Variants in SH3BP4 observed in about 807,000 individuals in gnomAD.
SH3BP4 encodes the protein SH3 domain-binding protein 4.
A neutral mutation model predicts 65.5 loss-of-function variants in SH3BP4; 33 were observed. The observed-to-expected ratio is 0.50, with a 90% confidence interval of 0.38 to 0.67. The LOEUF (loss-of-function observed/expected upper bound fraction) is 0.67. Ranked by LOEUF, SH3BP4 falls within the 30% of genes least tolerant of loss-of-function variation. The pLI, the probability that SH3BP4 is intolerant of heterozygous loss-of-function variation, is 0.00. For synonymous variants in SH3BP4, 552 were observed against 545.5 expected, an observed-to-expected ratio of 1.01 and a Z score of -0.17; for missense variants, 1,134 against 1,261.4, an observed-to-expected ratio of 0.90 and a Z score of 1.53.
intron 1 of SH3BP4, among the ~76,000 whole-genome samples, chr2:234,956,720 GT>G (rs537188648): frequency 6.1e-5 from 9 of 147,672 alleles, no homozygotes; most frequent in South Asian, 2.2e-4. Flanking sequence ...CGCCCGGGTA[GT>G]TTTTTTTTTT....
rs779336962 is a variant in SH3BP4, at chr2:235,052,769, TC to T, written c.2667+20del. The T allele has an allele frequency of 6.4e-7, 1 of 1,550,954 alleles. No individual in the cohort carries two copies. Among genetic ancestry groups the T allele is most frequent in the South Asian group, 1.2e-5 (1 of 83,584 alleles). ...CAGCGAGGTGAGCAGCGGCTGAGCT[TC>T]GAGCTCACCGAGCCCCTCTGTCCCT... is the stretch of plus-strand genomic sequence containing the variant. On this transcript the variant is annotated intron_variant, in intron 5 of 5. Coordinates refer to ENST00000392011, the MANE Select transcript of SH3BP4 (RefSeq NM_014521.3). This position sits in a 1 kb window ranked among gnomAD's most constrained non-coding sequence, Gnocchi z 5.0.
intron 2 of SH3BP4, among the ~76,000 whole-genome samples, chr2:235,021,735 C>G (rs1009139039): frequency 2.0e-5 from 3 of 151,930 alleles, no homozygotes; most frequent in African/African-American, 7.3e-5. Context: ...TCCATGTAGT[C>G]CAACACAGCA....
In SH3BP4 at chr2:234,962,201, A is replaced by G. The variant is rs558599284; in HGVS notation, c.-207+10031A>G. 2.4e-3 allele frequency among the ~76,000 whole-genome samples: 360 copies of G among 152,178 alleles called. 3 individuals carry two copies. Among genetic ancestry groups the G allele is most frequent in the Non-Finnish European group, 3.3e-3 (225 of 68,016 alleles). On this transcript the variant is annotated intron_variant, in intron 1 of 5. Transcript: ENST00000392011. ...ACCCAGACTGGAGTGCGGTGGCCCA[A>G]TGTCAGCTCACCACAACCTCCGCCT...
intron 2 of SH3BP4, among the ~76,000 whole-genome samples, chr2:235,027,889 G>T (rs778765037): frequency 5.3e-5 from 8 of 152,200 alleles, no homozygotes; most frequent in Non-Finnish European, 1.2e-4. Flanking sequence ...TTCTCTAATT[G>T]TTCCTTGGGG....
intron 1 of SH3BP4, among the ~76,000 whole-genome samples, chr2:234,955,411 C>T (rs532803740): frequency 9.2e-5 from 14 of 152,280 alleles, no homozygotes; most frequent in African/African-American, 3.4e-4. Context: ...ACCCAGGGAA[C>T]AATCCAGCTA....
At chr2:235,050,838 C>T (rs1275861108) in intron 4 of SH3BP4, among the ~76,000 whole-genome samples, 2 of 151,226 alleles carry the variant, frequency 1.3e-5, no homozygotes, top group Admixed American at 6.6e-5. Context: ...GTGTGGTTGG[C>T]GGGGGTGGGG....
intron 3 of SH3BP4, among the ~76,000 whole-genome samples, chr2:235,038,368 T>TATATATAC: frequency 2.0e-4 from 2 of 10,184 alleles, no homozygotes; most frequent in African/African-American, 1.8e-3. Flanking sequence ...ATATATATAA[T>TATATATAC]ATATATACAT....
chr2:235,021,039 AC>A (rs1180104390), intron 2 of SH3BP4, among the ~76,000 whole-genome samples: 3 of 151,998 alleles, frequency 2.0e-5, no homozygotes, highest in African/African-American at 7.3e-5. Flanking sequence ...CTTTTTTTGG[AC>A]CACAAGGGCA....
chr2:235,006,067 T>A (rs561085528), intron 2 of SH3BP4, among the ~76,000 whole-genome samples: 1 of 152,374 alleles, frequency 6.6e-6, no homozygotes, highest in Non-Finnish European at 1.5e-5. Flanking sequence ...AGGAGCCGCC[T>A]GTCCTGGCAT....
intron 4 of SH3BP4, among the ~76,000 whole-genome samples, chr2:235,044,768 T>C (rs1483448059): frequency 6.6e-6 from 1 of 152,046 alleles, no homozygotes; most frequent in African/African-American, 2.4e-5. Flanking sequence ...CGGCTGCCCA[T>C]GTTGAGCCAG....
intron 1 of SH3BP4, among the ~76,000 whole-genome samples, chr2:234,984,188 T>A: frequency 6.6e-6 from 1 of 151,282 alleles, no homozygotes; most frequent in East Asian, 1.9e-4. Context: ...CATATACACG[T>A]GTATGAGTTT....
In SH3BP4 at chr2:235,019,826, A is replaced by C. The variant is rs531825951; in HGVS notation, c.-132-15045A>C. Among the ~76,000 whole-genome samples, 11 of 148,416 alleles carry C rather than the reference A, an allele frequency of 7.4e-5. No homozygotes were observed. In the South Asian group the frequency reaches 2.4e-3, roughly 32 times the overall value. On this transcript the variant is annotated intron_variant, in intron 2 of 5. Transcript: ENST00000392011. ...GTCCATTCCATTCCTCCTTTTCCAG[A>C]TGAGAGATCTGAGGCCAGAGTTCCC...
intron 2 of SH3BP4, among the ~76,000 whole-genome samples, chr2:235,024,887 T>G (rs1694951920): frequency 6.6e-6 from 1 of 152,088 alleles, no homozygotes; most frequent in Non-Finnish European, 1.5e-5. Flanking sequence ...CGGTCTTAAG[T>G]GGCAGGTGGG....
intron 2 of SH3BP4, among the ~76,000 whole-genome samples, chr2:235,032,392 C>T (rs1695233827): frequency 6.6e-6 from 1 of 152,240 alleles, no homozygotes; most frequent in South Asian, 2.1e-4. Context: ...CTCCCCTCAC[C>T]CACTCATGGG....
chr2:234,979,981 A>G (rs1693319219), intron 1 of SH3BP4: 1 of 152,204 alleles, frequency 6.6e-6, no homozygotes, highest in South Asian at 2.1e-4. Flanking sequence ...ACCTACAGAA[A>G]CTGTGTGATA....
chr2:235,042,801 A>C lies in SH3BP4; in HGVS notation c.2032A>C (p.Lys678Gln). Reference sequence around the variant, plus strand: ...CAAGAACCACTACCTGCTGGAGTACAAGAAGGGCGACGGGATCGCCCTGCT... The same window carrying C: ...CAAGAACCACTACCTGCTGGAGTACCAGAAGGGCGACGGGATCGCCCTGCT... ...QNKNHYLLEY[K>Q]KGDGIALLSE... The change falls in exon 4 of 6, where the codon AAG becomes CAG. Residue 678 changes from lysine (K) to glutamine (Q), a missense_variant. By Grantham distance (53) the Lys-to-Gln change is moderately conservative. Transcript: ENST00000392011. The surrounding 1 kb of genome is among the most constrained non-coding windows in gnomAD (Gnocchi z 7.3). 1 of 1,614,084 alleles carries C rather than the reference A, an allele frequency of 6.2e-7. No individual in the cohort carries two copies. Among genetic ancestry groups the C allele is most frequent in the Non-Finnish European group, 8.5e-7 (1 of 1,180,022 alleles).
Position 234,997,957 on chromosome 2 carries a change from C to T in SH3BP4, c.-133+2581C>T, listed in dbSNP as rs756039822. ...CTAACACGGTGAAACCCTGTCTCTACTAAAAATACAAAAAAATTAGCCGGG... is the reference window on the plus strand; with the variant it reads ...CTAACACGGTGAAACCCTGTCTCTATTAAAAATACAAAAAAATTAGCCGGG... On this transcript the variant is annotated intron_variant, in intron 2 of 5. Transcript: ENST00000392011. The surrounding 1 kb of genome is among the most constrained non-coding windows in gnomAD (Gnocchi z 4.2). Among the ~76,000 whole-genome samples the T allele has an allele frequency of 1.6e-4, 24 of 151,980 alleles. No individual in the cohort carries two copies. The highest frequency in any genetic ancestry group is 3.1e-4 in the Non-Finnish European group (21 of 68,004).
Position 235,027,147 on chromosome 2 carries a change from C to T in SH3BP4, c.-132-7724C>T, listed in dbSNP as rs372965515. ...TAGCCTTGCATTCCCTGCCAAGCCA[C>T]GCCCAGAAGCATCCTGGGAGGGACA... On this transcript the variant is annotated intron_variant, in intron 2 of 5. Coordinates refer to ENST00000392011, the MANE Select transcript of SH3BP4 (RefSeq NM_014521.3). Among the ~76,000 whole-genome samples the T allele has an allele frequency of 1.3e-3, 192 of 152,366 alleles. 1 individual carries two copies. Among genetic ancestry groups the T allele is most frequent in the African/African-American group, 4.2e-3 (174 of 41,592 alleles).
chr2:234,995,278 C>T (rs1176073333), intron 1 of SH3BP4, 25 bp from the exon 2 acceptor site: 1 of 152,304 alleles, frequency 6.6e-6, no homozygotes, highest in Non-Finnish European at 1.5e-5. Context: ...CTGAAGCTCA[C>T]TCGTGTTTCC....
Sources: gnomAD v4.1 joint callset for allele counts (sites outside exome capture counted in the v4.1 genomes callset) on GRCh38, gnomAD v4.1.1 for gene constraint, Gnocchi (gnomAD v3.1) non-coding constraint, MANE v1.5 for transcripts, NCBI Gene and HGNC (gene_info 2026-07-23, HGNC 2026-07-21) for gene names.